Variants in RAPGEF4 observed in about 807,000 individuals in gnomAD.
RAPGEF4 encodes Rap guanine nucleotide exchange factor 4.
RAPGEF4 carries 66 observed loss-of-function variants against 147.9 expected under a neutral mutation model. The ratio of observed to expected loss-of-function variants is 0.45; its 90% confidence interval spans 0.37 to 0.55. RAPGEF4 has a LOEUF of 0.55. RAPGEF4 is among the 20% of genes least tolerant of loss of function. The pLI is 0.00. For synonymous variants in RAPGEF4, 419 were observed against 442.7 expected (o/e 0.95, Z 0.67); for missense variants, 1,071 against 1,257.3 (o/e 0.85, Z 2.24).
chr2:172,813,654 A>G (rs1688227908), intron 3 of RAPGEF4, among the ~76,000 whole-genome samples: 1 of 152,014 alleles, frequency 6.6e-6, no homozygotes, highest in African/African-American at 2.4e-5. Context: ...CCAGTTTCTT[A>G]TTTAAATATT....
intron 4 of RAPGEF4, among the ~76,000 whole-genome samples, chr2:172,876,089 T>C (rs1362575330): frequency 1.3e-5 from 2 of 152,224 alleles, no homozygotes; most frequent in African/African-American, 4.8e-5. Context: ...TTTTGCACAT[T>C]GATTTTGTAT....
At chr2:172,832,920 CA>C (rs1690516490) in intron 4 of RAPGEF4, among the ~76,000 whole-genome samples, 1 of 152,132 alleles carries the variant, frequency 6.6e-6, no homozygotes, top group African/African-American at 2.4e-5. Flanking sequence ...CCCCAGATTT[CA>C]AAAAAATATG....
At chr2:172,778,461 A>G (rs1314323695) in intron 1 of RAPGEF4, among the ~76,000 whole-genome samples, 3 of 152,158 alleles carry the variant, frequency 2.0e-5, no homozygotes, top group Non-Finnish European at 4.4e-5. Flanking sequence ...CCCCATTTAA[A>G]TATACTTATA....
intron 1 of RAPGEF4, chr2:172,744,347 G>A (rs934198880): frequency 2.6e-5 from 12 of 454,476 alleles, no homozygotes; most frequent in Admixed American, 1.9e-4. Context: ...TCTTGGCCAA[G>A]TTATTAATCT....
intron 2 of RAPGEF4, among the ~76,000 whole-genome samples, chr2:172,797,014 C>T (rs1052155937): frequency 6.6e-6 from 1 of 151,994 alleles, no homozygotes; most frequent in Non-Finnish European, 1.5e-5. Context: ...AGATCAGGTT[C>T]AAAAATTTCT....
At chr2:172,999,803 C>T (rs1054028500) in intron 16 of RAPGEF4, among the ~76,000 whole-genome samples, 1 of 152,146 alleles carries the variant, frequency 6.6e-6, no homozygotes, top group African/African-American at 2.4e-5. Flanking sequence ...TCACCAGTCA[C>T]CTTCAGTCTC....
At chr2:173,043,610 G>A (rs1685041697) in intron 29 of RAPGEF4, among the ~76,000 whole-genome samples, 1 of 152,248 alleles carries the variant, frequency 6.6e-6, no homozygotes, top group South Asian at 2.1e-4. Flanking sequence ...TGGCTAGGAA[G>A]GTGGGGGCAG....
At chr2:172,912,409 G>A (rs189299706) in intron 4 of RAPGEF4, among the ~76,000 whole-genome samples, 42 of 152,146 alleles carry the variant, frequency 2.8e-4, no homozygotes, top group Non-Finnish European at 4.6e-4. Context: ...AGTCTTTTGC[G>A]TATCTAAAAC....
intron 11 of RAPGEF4, among the ~76,000 whole-genome samples, chr2:172,983,820 G>T (rs911067844): frequency 6.6e-6 from 1 of 152,188 alleles, no homozygotes; most frequent in Non-Finnish European, 1.5e-5. Context: ...GCAGCCCCAT[G>T]TGAGTAGGGT....
chr2:173,009,106 C>A (rs770468204), intron 17 of RAPGEF4, among the ~76,000 whole-genome samples: 1 of 152,126 alleles, frequency 6.6e-6, no homozygotes, highest in Non-Finnish European at 1.5e-5. Flanking sequence ...AGATTAAATA[C>A]CCAATAACTG....
At chr2:172,913,650 T>A (rs1683701191) in intron 4 of RAPGEF4, among the ~76,000 whole-genome samples, 1 of 152,244 alleles carries the variant, frequency 6.6e-6, no homozygotes, top group African/African-American at 2.4e-5. Context: ...CTCCTTCCTT[T>A]AAAATTTTTT....
intron 4 of RAPGEF4, among the ~76,000 whole-genome samples, chr2:172,842,821 A>G (rs1691763128): frequency 6.6e-6 from 1 of 152,190 alleles, no homozygotes; most frequent in South Asian, 2.1e-4. Flanking sequence ...TAACATCTTC[A>G]AGTCACACTG....
chr2:172,940,792 T>C (rs551932512), intron 6 of RAPGEF4, among the ~76,000 whole-genome samples: 3 of 152,326 alleles, frequency 2.0e-5, no homozygotes, highest in Admixed American at 2.0e-4. Flanking sequence ...TTGGGATTCA[T>C]TGGATCTATA....
At chr2:173,035,459 G>A (rs534451611) in intron 27 of RAPGEF4, among the ~76,000 whole-genome samples, 5 of 150,760 alleles carry the variant, frequency 3.3e-5, no homozygotes, top group Admixed American at 1.3e-4. Flanking sequence ...TGCAGTGAGC[G>A]GAGATCGCGC....
chr2:172,995,291 T>TGTGTGTGTG (rs1559171296), intron 15 of RAPGEF4, among the ~76,000 whole-genome samples: 3 of 138,742 alleles, frequency 2.2e-5, no homozygotes, highest in African/African-American at 8.7e-5. Flanking sequence ...GTGTGTGTGT[T>TGTGTGTGTG]TGTATTTTGA....
Position 172,899,255 on chromosome 2 carries a change from T to A in RAPGEF4, c.445-18547T>A, listed in dbSNP as rs148620541. On this transcript the variant is annotated intron_variant, in intron 4 of 30. Transcript: ENST00000397081. Reference sequence around the variant, plus strand: ...CTTCTTCTAGTACTATAGAGATAATTTATAGGAAAGCCCAGTGTAGCTATT... The same window carrying A: ...CTTCTTCTAGTACTATAGAGATAATATATAGGAAAGCCCAGTGTAGCTATT... Among the ~76,000 whole-genome samples the A allele has an allele frequency of 1.2e-3, 176 of 152,326 alleles. 1 individual carries two copies. The highest frequency in any genetic ancestry group is 3.9e-3 in the African/African-American group (163 of 41,556).
At chr2:172,959,528 CA>C (rs1689073137) in intron 6 of RAPGEF4, among the ~76,000 whole-genome samples, 1 of 151,230 alleles carries the variant, frequency 6.6e-6, no homozygotes, top group South Asian at 2.1e-4. Context: ...TTTTTTTAAT[CA>C]GGGGGAGTAT....
At chr2:173,008,126 A>G (rs936868507) in intron 17 of RAPGEF4, among the ~76,000 whole-genome samples, 1 of 152,126 alleles carries the variant, frequency 6.6e-6, no homozygotes, top group African/African-American at 2.4e-5. Flanking sequence ...TGATGGTTTT[A>G]TAAGGGGCAT....
At chr2:172,749,120 C>T (rs759513398) in intron 1 of RAPGEF4, among the ~76,000 whole-genome samples, 1 of 152,198 alleles carries the variant, frequency 6.6e-6, no homozygotes, top group Non-Finnish European at 1.5e-5. Flanking sequence ...CTTTTCCAGG[C>T]ACATAGTGCA....
Sources: allele counts gnomAD v4.1 joint callset (sites outside exome capture counted in the v4.1 genomes callset), GRCh38; gene constraint gnomAD v4.1.1; transcripts MANE v1.5; gene names NCBI Gene and HGNC (gene_info 2026-07-23, HGNC 2026-07-21).